HECTD4: variants seen among roughly 807,000 people sequenced by gnomAD.
HECTD4 encodes the protein HECT domain E3 ubiquitin protein ligase 4.
HECTD4 carries 114 observed loss-of-function variants against 471.5 expected under a neutral mutation model. The observed-to-expected ratio is 0.24, with a 90% CI of 0.21 to 0.28. HECTD4 has a LOEUF of 0.28. Among genes scored for constraint, HECTD4 ranks in the 10% least tolerant of loss-of-function variants. The pLI is 1.00. For synonymous variants in HECTD4, 2,012 were observed against 2,256.0 expected (o/e 0.89, Z 3.07); for missense variants, 3,866 against 5,651.5 (o/e 0.68, Z 10.13).
intron 1 of HECTD4, among the ~76,000 whole-genome samples, chr12:112,370,827 G>A (rs996832615): frequency 1.3e-5 from 2 of 151,888 alleles, no homozygotes; most frequent in Admixed American, 6.6e-5. Flanking sequence ...TAAAATACAG[G>A]ATCAAAATAA....
intron 50 of HECTD4, 90 bp downstream of exon 50, chr12:112,209,925 A>T (rs368225661): frequency 9.4e-7 from 1 of 1,061,492 alleles, no homozygotes; most frequent in Admixed American, 2.1e-5. Context: ...GATTGTAATG[A>T]GGATGCTCAA....
Position 112,160,456 on chromosome 12 carries a change from A to G in HECTD4, c.*1931T>C, listed in dbSNP as rs1377348386. ...TAAATAATTATAATAAATATACATCAAGTAACTTTACAGCACACATTTTTT... is the reference window on the plus strand; with the variant it reads ...TAAATAATTATAATAAATATACATCGAGTAACTTTACAGCACACATTTTTT... On this transcript the variant is annotated 3_prime_UTR_variant, in exon 76 of 76. Coordinates refer to ENST00000682272, the MANE Select transcript of HECTD4 (RefSeq NM_001388303.1). 1 of 152,236 alleles carries G rather than the reference A, an allele frequency of 6.6e-6. No homozygotes were observed. The highest frequency in any genetic ancestry group is 2.4e-5 in the African/African-American group (1 of 41,472). 9.4% of individuals were successfully genotyped at this position (152,236 alleles called of 1,614,324 possible).
chr12:112,333,908 C>A (rs984321971), intron 1 of HECTD4, among the ~76,000 whole-genome samples: 1 of 152,060 alleles, frequency 6.6e-6, no homozygotes, highest in African/African-American at 2.4e-5. Flanking sequence ...TGAGAGAAAA[C>A]TTCACTTTAA....
At chr12:112,314,592 A>G in intron 2 of HECTD4, 46 bp from the exon 3 acceptor site, 2 of 1,121,602 alleles carry the variant, frequency 1.8e-6, no homozygotes, top group South Asian at 2.7e-5. Flanking sequence ...ATTTAAAATC[A>G]AATAATTTAG....
chr12:112,246,701 C>T, intron 29 of HECTD4, among the ~76,000 whole-genome samples, 200 bp downstream of exon 29: 1 of 152,118 alleles, frequency 6.6e-6, no homozygotes, highest in African/African-American at 2.4e-5. Flanking sequence ...ACAAGTATTT[C>T]TTTGTTTTTC....
intron 1 of HECTD4, among the ~76,000 whole-genome samples, chr12:112,333,490 T>C (rs2035883267): frequency 6.6e-6 from 1 of 152,226 alleles, no homozygotes; most frequent in African/African-American, 2.4e-5. Context: ...TTATTGGCCA[T>C]TTGTATATCT....
chr12:112,294,729 G>A (rs2034967143), intron 7 of HECTD4, among the ~76,000 whole-genome samples: 1 of 151,968 alleles, frequency 6.6e-6, no homozygotes, highest in South Asian at 2.1e-4. Flanking sequence ...CATTCAAAAG[G>A]CCTCTTTCAG....
At chr12:112,314,728 CAA>C (rs1566108643) in intron 2 of HECTD4, among the ~76,000 whole-genome samples, 182 bp from the exon 3 acceptor site, 2 of 152,278 alleles carry the variant, frequency 1.3e-5, no homozygotes, top group Admixed American at 1.3e-4. Flanking sequence ...GGCTCATACA[CAA>C]AGATACAATG....
At chr12:112,168,947 A>G (rs1011600443) in intron 70 of HECTD4, among the ~76,000 whole-genome samples, 1 of 152,208 alleles carries the variant, frequency 6.6e-6, no homozygotes, top group Non-Finnish European at 1.5e-5. Flanking sequence ...GGGGCAGATC[A>G]GAGGAAAGGG....
Position 112,243,808 on chromosome 12 carries a change from G to C in HECTD4, c.4650-47C>G, listed in dbSNP as rs754419594. The C allele has an allele frequency of 3.1e-6, 5 of 1,609,922 alleles. No homozygotes were observed. The highest frequency in any genetic ancestry group is 3.4e-6 in the Non-Finnish European group (4 of 1,176,706). On this transcript the variant is annotated intron_variant, in intron 30 of 75. Transcript: ENST00000682272. This position sits in a 1 kb window ranked among gnomAD's most constrained non-coding sequence, Gnocchi z 6.6. ...CTGGCAAGACGAGAAACACACTCAG[G>C]GAGCTTGTTTTGATGAATGCATTCA...
chr12:112,170,471 G>C lies in HECTD4; in HGVS notation c.11933-19C>G, dbSNP rs755635730. On this transcript the variant is annotated intron_variant, in intron 68 of 75. Coordinates refer to ENST00000682272, the MANE Select transcript of HECTD4 (RefSeq NM_001388303.1). ...ATCAGCCCTAAGGAGAGGAACGTGGGAGAGGCTTGGGTGGGGCTTTGTCCC... is the reference window on the plus strand; with the variant it reads ...ATCAGCCCTAAGGAGAGGAACGTGGCAGAGGCTTGGGTGGGGCTTTGTCCC... The C allele has an allele frequency of 6.2e-7, 1 of 1,613,034 alleles. No individual in the cohort carries two copies. Among genetic ancestry groups the C allele is most frequent in the Non-Finnish European group, 8.5e-7 (1 of 1,179,618 alleles).
chr12:112,170,507 G>A, intron 68 of HECTD4, 55 bp from the exon 69 acceptor site: 1 of 1,590,376 alleles, frequency 6.3e-7, no homozygotes, highest in African/African-American at 1.4e-5. Context: ...TTCCTTCCCA[G>A]TCCCCCCAAG....
Position 112,248,058 on chromosome 12 carries a change from T to C in HECTD4, c.4248+9A>G. 6.2e-7 allele frequency: 1 copy of C among 1,601,678 alleles called. No individual in the cohort carries two copies. The highest frequency in any genetic ancestry group is 8.5e-7 in the Non-Finnish European group (1 of 1,170,622). ...AATACCCCAGTGACAAATCATACAA[T>C]TTGCTCACCTCATTAAAATGGTAAT... On this transcript the variant is annotated intron_variant, in intron 27 of 75. Coordinates refer to ENST00000682272, the MANE Select transcript of HECTD4 (RefSeq NM_001388303.1).
chr12:112,248,739 C>T (rs1049262726), intron 25 of HECTD4, among the ~76,000 whole-genome samples: 3 of 152,116 alleles, frequency 2.0e-5, no homozygotes, highest in Non-Finnish European at 4.4e-5. Context: ...TGCTGCCATG[C>T]TCAGCTAATT....
intron 38 of HECTD4, among the ~76,000 whole-genome samples, chr12:112,232,056 T>C (rs1041617327): frequency 6.6e-6 from 1 of 152,196 alleles, no homozygotes; most frequent in Non-Finnish European, 1.5e-5. Flanking sequence ...TTTTCATAGT[T>C]GCACAGCATT....
At chr12:112,324,782 T>C (rs1470753174) in intron 1 of HECTD4, among the ~76,000 whole-genome samples, 1 of 152,200 alleles carries the variant, frequency 6.6e-6, no homozygotes, top group African/African-American at 2.4e-5. Context: ...AAATTTTAAC[T>C]TTGATCATCT....
intron 10 of HECTD4, 148 bp from the exon 11 acceptor site, chr12:112,273,943 G>A: frequency 1.1e-6 from 1 of 873,946 alleles, no homozygotes; most frequent in East Asian, 2.7e-5. Context: ...TATTTGGTAA[G>A]GCACTAGGTT....
chr12:112,356,690 G>A (rs1046751625), intron 1 of HECTD4, among the ~76,000 whole-genome samples: 19 of 151,918 alleles, frequency 1.3e-4, no homozygotes, highest in Non-Finnish European at 2.8e-4. Flanking sequence ...CTCCCACCTC[G>A]GCCTCCCAAA....
At chr12:112,314,630 A>G in intron 2 of HECTD4, 84 bp from the exon 3 acceptor site, 3 of 792,540 alleles carry the variant, frequency 3.8e-6, no homozygotes, top group East Asian at 2.7e-5. Flanking sequence ...AATTAACCAC[A>G]TGGAAAAGTT....
Sources: gnomAD v4.1 joint callset for allele counts (sites outside exome capture counted in the v4.1 genomes callset) on GRCh38, gnomAD v4.1.1 for gene constraint, Gnocchi (gnomAD v3.1) non-coding constraint, MANE v1.5 for transcripts, NCBI Gene and HGNC (gene_info 2026-07-23, HGNC 2026-07-21) for gene names.